Variants in KCNC2 observed in about 807,000 individuals in gnomAD.
KCNC2 encodes potassium voltage-gated channel subfamily C member 2.
KCNC2 carries 21 observed loss-of-function variants against 44.5 expected under a neutral mutation model. The ratio of observed to expected loss-of-function variants is 0.47; its 90% CI spans 0.33 to 0.68. The LOEUF (loss-of-function observed/expected upper bound fraction) is 0.68, where lower values mean the gene tolerates loss of function less well. Ranked by LOEUF, KCNC2 falls within the 30% of genes least tolerant of loss-of-function variation. The pLI is 0.01. For synonymous variants in KCNC2, 391 were observed against 339.1 expected, an observed-to-expected ratio of 1.15 and a Z score of -1.68; for missense variants, 589 against 826.2, an observed-to-expected ratio of 0.71 and a Z score of 3.52.
intron 2 of KCNC2, among the ~76,000 whole-genome samples, chr12:75,191,991 T>C (rs1325341368): frequency 1.3e-5 from 2 of 152,218 alleles, no homozygotes; most frequent in African/African-American, 2.4e-5. Context: ...AATGTACCTA[T>C]GCTTCTTTAA....
chr12:75,086,377 A>G (rs1448597988), intron 2 of KCNC2, among the ~76,000 whole-genome samples: 1 of 152,118 alleles, frequency 6.6e-6, no homozygotes, highest in African/African-American at 2.4e-5. Context: ...GTGCAAGAAC[A>G]TGCATAACAA....
At chr12:75,063,310 T>G (rs1882522822) in intron 2 of KCNC2, among the ~76,000 whole-genome samples, 1 of 152,080 alleles carries the variant, frequency 6.6e-6, no homozygotes, top group African/African-American at 2.4e-5. Context: ...CTATGTTGAG[T>G]CTTGGATTGA....
At chr12:75,077,941 C>G (rs1486164995) in intron 2 of KCNC2, among the ~76,000 whole-genome samples, 5 of 152,012 alleles carry the variant, frequency 3.3e-5, no homozygotes, top group Non-Finnish European at 2.9e-5. Context: ...CATATTTAGT[C>G]ATTCTGAGTT....
At chr12:75,178,142 A>G (rs1892320710) in intron 2 of KCNC2, among the ~76,000 whole-genome samples, 1 of 152,014 alleles carries the variant, frequency 6.6e-6, no homozygotes, top group Admixed American at 6.6e-5. Context: ...CTGGCATGAA[A>G]TACTAATGAA....
At chr12:75,143,579 G>T (rs1251306087) in intron 2 of KCNC2, among the ~76,000 whole-genome samples, 2 of 152,054 alleles carry the variant, frequency 1.3e-5, no homozygotes, top group East Asian at 3.9e-4. Context: ...AAAATAACAG[G>T]CTCTGTCCTT....
At chr12:75,147,908 T>C (rs1890134694) in intron 2 of KCNC2, among the ~76,000 whole-genome samples, 1 of 152,100 alleles carries the variant, frequency 6.6e-6, no homozygotes, top group South Asian at 2.1e-4. Context: ...AATGAGTAAA[T>C]ATAAAAAGTA....
At chr12:75,136,987 T>C (rs1349812172) in intron 2 of KCNC2, among the ~76,000 whole-genome samples, 1 of 152,176 alleles carries the variant, frequency 6.6e-6, no homozygotes, top group Non-Finnish European at 1.5e-5. Context: ...AAATTTGCAA[T>C]TATAACCTGC....
At chr12:75,171,766 G>A (rs1328971917) in intron 2 of KCNC2, among the ~76,000 whole-genome samples, 1 of 151,804 alleles carries the variant, frequency 6.6e-6, no homozygotes, top group Non-Finnish European at 1.5e-5. Flanking sequence ...AGAAGATTTA[G>A]AATGTTCCCA....
chr12:75,170,533 AAT>A (rs1891743747), intron 2 of KCNC2, among the ~76,000 whole-genome samples: 1 of 151,756 alleles, frequency 6.6e-6, no homozygotes, highest in South Asian at 2.1e-4. Context: ...CACTCAACTA[AAT>A]ATGTTTGACT....
chr12:75,089,360 T>C (rs1024625139), intron 2 of KCNC2, among the ~76,000 whole-genome samples: 3 of 152,004 alleles, frequency 2.0e-5, no homozygotes, highest in Non-Finnish European at 4.4e-5. Flanking sequence ...GTAATACTCC[T>C]GAATTAATAT....
chr12:75,080,293 CAT>C (rs1565836531), intron 2 of KCNC2, among the ~76,000 whole-genome samples: 497 of 2,894 alleles, frequency 0.17, no homozygotes, highest in Non-Finnish European at 0.25. Flanking sequence ...AGCATTTTTA[CAT>C]CAAGTTTGAG....
At chr12:75,197,927 C>T (rs1479822519) in intron 2 of KCNC2, among the ~76,000 whole-genome samples, 1 of 151,562 alleles carries the variant, frequency 6.6e-6, no homozygotes, top group Admixed American at 6.6e-5. Flanking sequence ...TGAATTGAAT[C>T]AATGATGAAA....
intron 2 of KCNC2, among the ~76,000 whole-genome samples, chr12:75,128,009 A>G (rs1053839415): frequency 1.3e-5 from 2 of 152,156 alleles, no homozygotes; most frequent in African/African-American, 4.8e-5. Context: ...TTCAAATGAG[A>G]ATGGCAATGA....
chr12:75,168,892 C>A (rs1423488570), intron 2 of KCNC2, among the ~76,000 whole-genome samples: 1 of 151,400 alleles, frequency 6.6e-6, no homozygotes, highest in Non-Finnish European at 1.5e-5. Context: ...GACTCTCTTC[C>A]TTAGTTTAGG....
At chr12:75,139,247 A>G (rs562584601) in intron 2 of KCNC2, among the ~76,000 whole-genome samples, 1 of 152,314 alleles carries the variant, frequency 6.6e-6, no homozygotes, top group East Asian at 1.9e-4. Flanking sequence ...CAAAAAAAGC[A>G]GTCACTTCAA....
intron 2 of KCNC2, among the ~76,000 whole-genome samples, chr12:75,205,370 GT>G (rs35485495): frequency 0.33 from 49,388 of 151,844 alleles, 8,387 homozygotes; most frequent in African/African-American, 0.43. Flanking sequence ...CTTTGACCTT[GT>G]TTTAATCTCA....
intron 2 of KCNC2, among the ~76,000 whole-genome samples, chr12:75,076,789 G>C (rs1267416065): frequency 2.0e-5 from 3 of 151,982 alleles, no homozygotes; most frequent in African/African-American, 7.2e-5. Flanking sequence ...TCAGTATCTT[G>C]GTTTTCAGTT....
In KCNC2 at chr12:75,048,280, T is replaced by C; in HGVS notation, c.1653A>G (p.Pro551=). The change falls in exon 4 of 5, where the codon CCA becomes CCG. Residue 551 remains proline (P), a synonymous_variant. Coordinates refer to ENST00000549446, the MANE Select transcript of KCNC2 (RefSeq NM_139137.4). ...TGGGGAGCCTTTCTGGGGGTGATAG[T>C]GGCGGCTCACTTCCTGTACTGTCGT... ...SGDDSTGSEP[P]LSPPERLPIR... is the part of the protein sequence containing the mutation. The C allele has an allele frequency of 1.9e-6, 3 of 1,612,720 alleles. No homozygotes were observed. In the East Asian group the frequency reaches 6.7e-5, roughly 36 times the overall value.
At chr12:75,176,729 TA>T (rs1892210066) in intron 2 of KCNC2, among the ~76,000 whole-genome samples, 2 of 151,990 alleles carry the variant, frequency 1.3e-5, no homozygotes, top group African/African-American at 4.8e-5. Flanking sequence ...AATGATATTG[TA>T]ATTTATGTAA....
Sources: allele counts gnomAD v4.1 joint callset (sites outside exome capture counted in the v4.1 genomes callset), GRCh38; gene constraint gnomAD v4.1.1; transcripts MANE v1.5; gene names NCBI Gene and HGNC (gene_info 2026-07-23, HGNC 2026-07-21).